The following SH3TC2 variants were observed in gnomAD, a reference collection of about 807,000 sequenced individuals.
SH3TC2 encodes SH3 domain and tetratricopeptide repeats 2.
SH3TC2 carries 87 observed loss-of-function variants against 124.5 expected under a neutral mutation model. The ratio of observed to expected loss-of-function variants is 0.70; its 90% CI spans 0.59 to 0.84. The LOEUF is 0.84. SH3TC2 is among the 40% of genes least tolerant of loss of function. SH3TC2 has a pLI of 0.00. For missense variants in SH3TC2, 1,536 were observed against 1,566.4 expected (o/e 0.98, Z 0.33); for synonymous variants, 634 against 628.5 (o/e 1.01, Z -0.13).
intron 12 of SH3TC2, among the ~76,000 whole-genome samples, chr5:149,024,510 T>C (rs956796270): frequency 2.0e-5 from 3 of 152,234 alleles, no homozygotes. Flanking sequence ...AGTATGAATA[T>C]TCAGTGTCAG....
intron 12 of SH3TC2, among the ~76,000 whole-genome samples, chr5:149,017,143 T>C (rs898479394): frequency 2.0e-5 from 3 of 152,226 alleles, no homozygotes; most frequent in Admixed American, 1.3e-4. Context: ...TGTACTATTC[T>C]GTTATCATTG....
chr5:149,031,722 T>G (rs1484908346), intron 8 of SH3TC2, 35 bp from the exon 9 acceptor site: 8 of 1,612,738 alleles, frequency 5.0e-6, no homozygotes, highest in African/African-American at 1.3e-5. Flanking sequence ...GACAGATTAC[T>G]GCAAGGCTTC....
chr5:149,063,027 G>A lies in SH3TC2; in HGVS notation c.-5C>T. ...GATGCAGAAGCAGCCACCCATGTGT[G>A]TACCATCCTACCCTGGCCGAGGCCC... On this transcript the variant is annotated 5_prime_UTR_variant, in exon 1 of 17. Transcript: ENST00000515425. 6.3e-7 allele frequency: 1 copy of A among 1,599,282 alleles called. No homozygotes were observed. The highest frequency in any genetic ancestry group is 8.5e-7 in the Non-Finnish European group (1 of 1,172,468).
At chr5:149,017,521 G>A (rs186319990) in intron 12 of SH3TC2, among the ~76,000 whole-genome samples, 154 of 152,080 alleles carry the variant, frequency 1.0e-3, no homozygotes, top group African/African-American at 3.3e-3. Context: ...TGTGCCCCCC[G>A]CCCCACACAC....
At chr5:149,008,188 C>T (rs1753723717) in intron 15 of SH3TC2, 1 of 157,652 alleles carries the variant, frequency 6.3e-6, no homozygotes, top group Non-Finnish European at 1.4e-5. Flanking sequence ...TTTACCCTTA[C>T]ATCTAATCAA....
rs114384695 is a variant in SH3TC2 at position 149,030,076 on chromosome 5, C to G, written c.1136-1358G>C. On this transcript the variant is annotated intron_variant, in intron 9 of 16. Coordinates refer to ENST00000515425, the MANE Select transcript of SH3TC2 (RefSeq NM_024577.4). ...AAGCCCCGCAGCTAAAGATGAAGAGCTATAGAGCTTGGCTAAGGAGAGCTG... is the reference window on the plus strand; with the variant it reads ...AAGCCCCGCAGCTAAAGATGAAGAGGTATAGAGCTTGGCTAAGGAGAGCTG... Among the ~76,000 whole-genome samples the G allele has an allele frequency of 1.8e-3, 273 of 152,276 alleles. 1 individual carries two copies. The highest frequency in any genetic ancestry group is 6.2e-3 in the African/African-American group (258 of 41,566).
At chr5:149,058,843 A>G (rs960094642) in intron 1 of SH3TC2, among the ~76,000 whole-genome samples, 13 of 152,118 alleles carry the variant, frequency 8.5e-5, no homozygotes, top group African/African-American at 3.1e-4. Context: ...GAGGTGTGAA[A>G]TATTCTTGAG....
intron 12 of SH3TC2, among the ~76,000 whole-genome samples, chr5:149,018,935 T>C (rs1318341780): frequency 6.6e-6 from 1 of 152,206 alleles, no homozygotes; most frequent in Non-Finnish European, 1.5e-5. Flanking sequence ...CATTGTCTCC[T>C]TTCCCTACAA....
At chr5:149,061,428 C>T (rs978839086) in intron 1 of SH3TC2, among the ~76,000 whole-genome samples, 1 of 151,994 alleles carries the variant, frequency 6.6e-6, no homozygotes, top group African/African-American at 2.4e-5. Flanking sequence ...AGGGAGAGCG[C>T]GAGTTATACT....
rs79033078 is a variant in SH3TC2 at position 149,010,772 on chromosome 5, T to C, written c.3205-380A>G. The stretch of plus-strand genomic sequence containing the variant: ...TAAGTGTAGAAAAAGCTACGTTGAT[T>C]TGATGTTGAGTCAAAGAAAAAGAAG... On this transcript the variant is annotated intron_variant, in intron 13 of 16. Transcript: ENST00000515425. 4.6e-3 allele frequency among the ~76,000 whole-genome samples: 698 copies of C among 152,346 alleles called. 6 individuals carry two copies. The highest frequency in any genetic ancestry group is 0.016 in the African/African-American group (673 of 41,586).
At chr5:149,043,158 T>C (rs992966551) in intron 4 of SH3TC2, among the ~76,000 whole-genome samples, 5 of 152,182 alleles carry the variant, frequency 3.3e-5, no homozygotes, top group Non-Finnish European at 7.4e-5. Flanking sequence ...GGTCTCCAAG[T>C]TTACAGTGTT....
intron 1 of SH3TC2, among the ~76,000 whole-genome samples, chr5:149,061,474 T>A (rs1754746521): frequency 6.6e-6 from 1 of 152,324 alleles, no homozygotes; most frequent in African/African-American, 2.4e-5. Flanking sequence ...TGGTGAATTT[T>A]ATTGTGCTCA....
chr5:149,009,832 T>C (rs1230117481), intron 14 of SH3TC2, among the ~76,000 whole-genome samples: 1 of 152,118 alleles, frequency 6.6e-6, no homozygotes, highest in Non-Finnish European at 1.5e-5. Context: ...TTTTTAATTT[T>C]AAAAAATATA....
In SH3TC2 at chr5:148,994,767, G is replaced by T. The variant is rs932461261; in HGVS notation, c.*9944C>A. ...AGATGGATGAATAGATGGATGAATA[G>T]ATGGATAACCGTCTGCATCCTCTGT... is the stretch of plus-strand genomic sequence containing the variant. On this transcript the variant is annotated 3_prime_UTR_variant, in exon 17 of 17. Transcript: ENST00000515425. Among the ~76,000 whole-genome samples the T allele has an allele frequency of 6.6e-6, 1 of 152,068 alleles. No individual in the cohort carries two copies.
At chr5:149,061,085 A>C (rs1487153266) in intron 1 of SH3TC2, among the ~76,000 whole-genome samples, 1 of 152,222 alleles carries the variant, frequency 6.6e-6, no homozygotes, top group Non-Finnish European at 1.5e-5. Context: ...TGGCATGAAA[A>C]GTCTCGAGGG....
At position 149,041,479 on chromosome 5, in the gene SH3TC2, A is replaced by T. The variant is rs780281326; in HGVS notation, c.668T>A (p.Val223Glu). The T allele has an allele frequency of 6.2e-7, 1 of 1,613,956 alleles. No homozygotes were observed. The highest frequency in any genetic ancestry group is 8.5e-7 in the Non-Finnish European group (1 of 1,180,040). Reference protein sequence around the residue: ...AGSELEGVSLVTGQRGLVLVS... With the variant: ...AGSELEGVSLETGQRGLVLVS... ...CAGTACCAGGCCCCGCTGACCTGTC[A>T]CCAAAGACACGCCTTCCAACTCGGA... Residue 223 changes from valine to glutamate, a missense_variant, in exon 6 of 17, where the codon GTG becomes GAG. By Grantham distance (121) the Val-to-Glu change is moderately radical (BLOSUM62 -2). This residue lies in a region of SH3TC2 where 1,102 missense variants were observed against 1,098.6 expected (regional missense o/e 1.00). Coordinates refer to ENST00000515425, the MANE Select transcript of SH3TC2 (RefSeq NM_024577.4).
chr5:149,062,879 G>A, intron 1 of SH3TC2, 92 bp downstream of exon 1: 2 of 1,251,896 alleles, frequency 1.6e-6, no homozygotes, highest in Non-Finnish European at 2.3e-6. Context: ...ATCTTTGGGA[G>A]AAAAGTTTCT....
intron 1 of SH3TC2, among the ~76,000 whole-genome samples, chr5:149,057,999 C>T (rs1396164233): frequency 6.6e-6 from 1 of 152,176 alleles, no homozygotes; most frequent in Non-Finnish European, 1.5e-5. Context: ...ATGAATATGA[C>T]AGCCTGGAGC....
At chr5:149,057,853 G>A (rs1016437651) in intron 1 of SH3TC2, among the ~76,000 whole-genome samples, 1 of 152,198 alleles carries the variant, frequency 6.6e-6, no homozygotes, top group African/African-American at 2.4e-5. Context: ...AGCTCCAAAA[G>A]TGAGCACATA....
Sources: gnomAD v4.1 joint callset for allele counts (sites outside exome capture counted in the v4.1 genomes callset) on GRCh38, gnomAD v4.1.1 for gene constraint, gnomAD v4.1.1 regional missense constraint, MANE v1.5 for transcripts, NCBI Gene and HGNC (gene_info 2026-07-23, HGNC 2026-07-21) for gene names.